KCTD9: variants seen among roughly 807,000 people sequenced by gnomAD.
KCTD9 encodes the protein BTB/POZ domain-containing protein KCTD9.
A neutral mutation model predicts 53.3 loss-of-function variants in KCTD9; 17 were observed. The ratio of observed to expected loss-of-function variants is 0.32; its 90% CI spans 0.22 to 0.48. The LOEUF is 0.48. Ranked by LOEUF, KCTD9 falls within the 20% of genes least tolerant of loss-of-function variation. KCTD9 has a pLI of 0.99. For missense variants in KCTD9, 179 were observed against 465.5 expected (o/e 0.38, Z 5.66); for synonymous variants, 128 against 162.7 (o/e 0.79, Z 1.62).
chr8:25,458,312 T>TC lies in KCTD9; in HGVS notation c.-67dup, dbSNP rs1802519968. The TC allele has an allele frequency of 1.2e-5, 19 of 1,577,334 alleles. No homozygotes were observed. In the South Asian group the frequency reaches 2.1e-4, roughly 18 times the overall value. ...CCACCTGGTCCTCCTCCCACCTTTT[T>TC]CTCCTCCCGCCCTTCCCCTCCCTCC... On this transcript the variant is annotated 5_prime_UTR_variant, in exon 1 of 12. Transcript: ENST00000221200.
chr8:25,447,735 T>A (rs1004534302), intron 1 of KCTD9, among the ~76,000 whole-genome samples: 3 of 152,134 alleles, frequency 2.0e-5, no homozygotes, highest in Non-Finnish European at 4.4e-5. Context: ...CGGAACCAAG[T>A]GCATTATAAA....
At chr8:25,437,881 A>AAAAAAAAC (rs1802049071) in intron 6 of KCTD9, among the ~76,000 whole-genome samples, 1 of 142,070 alleles carries the variant, frequency 7.0e-6, no homozygotes, top group African/African-American at 2.6e-5. Flanking sequence ...AAAAAAAAAA[A>AAAAAAAAC]TCTGGATTTG....
rs184544240 is a variant in KCTD9, at chr8:25,446,182, G to A, written c.117C>T (p.Ala39=). ...SVASSKLGIK[A]TSVYNGKGGL... is the part of the protein sequence containing the mutation. ...CACCTTTCCCATTATACACACTGGT[G>A]GCTTTTATGCCGAGTTTACTGCTGG... is the stretch of plus-strand genomic sequence containing the variant. The change falls in exon 2 of 12, where the codon GCC becomes GCT. Residue 39 remains alanine (A), a synonymous_variant. Coordinates refer to ENST00000221200, the MANE Select transcript of KCTD9 (RefSeq NM_017634.4). 5.0e-6 allele frequency: 8 copies of A among 1,613,934 alleles called. No individual in the cohort carries two copies.
chr8:25,429,329 T>C lies in KCTD9; in HGVS notation c.*528A>G, dbSNP rs1303773444. On this transcript the variant is annotated 3_prime_UTR_variant, in exon 12 of 12. Coordinates refer to ENST00000221200, the MANE Select transcript of KCTD9 (RefSeq NM_017634.4). Reference sequence around the variant, plus strand: ...TCTTAGGGAGTCTGATCTCACCATATTCATACGGTGTGACAGGTATTTAAA... The same window carrying C: ...TCTTAGGGAGTCTGATCTCACCATACTCATACGGTGTGACAGGTATTTAAA... The C allele has an allele frequency of 6.5e-6, 1 of 153,758 alleles. No individual in the cohort carries two copies. The highest frequency in any genetic ancestry group is 2.4e-5 in the African/African-American group (1 of 41,460). 9.5% of individuals were successfully genotyped at this position (153,758 alleles called of 1,614,324 possible). A position where few individuals can be genotyped will look rare whatever the true frequency, so the allele number is the denominator to read the frequency against.
chr8:25,454,186 C>T (rs990000303), intron 1 of KCTD9, among the ~76,000 whole-genome samples: 1 of 152,156 alleles, frequency 6.6e-6, no homozygotes, highest in African/African-American at 2.4e-5. Flanking sequence ...TGTGCCTGCC[C>T]CCAACATGTT....
chr8:25,437,610 G>A (rs897069498), intron 6 of KCTD9, among the ~76,000 whole-genome samples: 1 of 151,850 alleles, frequency 6.6e-6, no homozygotes, highest in Non-Finnish European at 1.5e-5. Flanking sequence ...TCCAGGAGGC[G>A]GACCTTACAG....
chr8:25,437,361 C>A (rs1802036013), intron 6 of KCTD9, among the ~76,000 whole-genome samples: 2 of 152,058 alleles, frequency 1.3e-5, no homozygotes, highest in African/African-American at 4.8e-5. Context: ...AGAATTAAAC[C>A]TTTAAAACAT....
At chr8:25,458,037 G>A (rs1802503951) in intron 1 of KCTD9, among the ~76,000 whole-genome samples, 162 bp downstream of exon 1, 1 of 151,790 alleles carries the variant, frequency 6.6e-6, no homozygotes, top group Admixed American at 6.6e-5. Context: ...AGGGTCGGGA[G>A]GAGGCCGCGG....
rs1801871892 is a variant in KCTD9, at chr8:25,428,159, T to C, written c.*1698A>G. On this transcript the variant is annotated 3_prime_UTR_variant, in exon 12 of 12. Transcript: ENST00000221200. ...TTATTTCTACAGAGGTACCTTTAAG[T>C]GAATGAATACCACATTCTGTAATTC... The C allele has an allele frequency of 6.6e-6, 1 of 152,626 alleles. No individual in the cohort carries two copies. Among genetic ancestry groups the C allele is most frequent in the Non-Finnish European group, 1.5e-5 (1 of 68,034 alleles). The allele number at this position is 152,626 out of a possible 1,614,324, so 9.5% of individuals were successfully genotyped here. A position where few individuals can be genotyped will look rare whatever the true frequency, so the allele number is the denominator to read the frequency against.
chr8:25,441,747 T>C (rs1251637085), intron 3 of KCTD9, among the ~76,000 whole-genome samples: 1 of 152,168 alleles, frequency 6.6e-6, no homozygotes, highest in East Asian at 1.9e-4. Flanking sequence ...CCTATAATCC[T>C]CTGGGAGGCC....
chr8:25,458,363 C>T lies in KCTD9; in HGVS notation c.-117G>A. On this transcript the variant is annotated 5_prime_UTR_variant, in exon 1 of 12. Coordinates refer to ENST00000221200, the MANE Select transcript of KCTD9 (RefSeq NM_017634.4). ...ACCCACTCGGATTCGCCTCCCTTCG[C>T]CACCTTCCTGCCCTTGGGGACACAC... The T allele has an allele frequency of 8.5e-7, 1 of 1,176,622 alleles. No homozygotes were observed. The highest frequency in any genetic ancestry group is 1.2e-6 in the Non-Finnish European group (1 of 804,950). 72.9% of individuals were successfully genotyped at this position (1,176,622 alleles called of 1,614,324 possible).
At chr8:25,449,884 A>T (rs764113302) in intron 1 of KCTD9, among the ~76,000 whole-genome samples, 5 of 152,180 alleles carry the variant, frequency 3.3e-5, no homozygotes, top group Non-Finnish European at 5.9e-5. Flanking sequence ...CCCATGACAT[A>T]GGAACCCAAA....
At chr8:25,444,249 T>TC in intron 3 of KCTD9, 43 bp downstream of exon 3, 1 of 1,412,076 alleles carries the variant, frequency 7.1e-7, no homozygotes. Flanking sequence ...CCATCTTTTT[T>TC]TTTTTTTTTT....
intron 6 of KCTD9, among the ~76,000 whole-genome samples, chr8:25,437,145 G>A (rs1008421433): frequency 5.3e-5 from 8 of 152,112 alleles, no homozygotes; most frequent in African/African-American, 1.4e-4. Context: ...GTACAGCATC[G>A]GGCTACCACT....
intron 6 of KCTD9, 59 bp from the exon 7 acceptor site, chr8:25,436,544 T>C: frequency 1.0e-6 from 1 of 992,002 alleles, no homozygotes; most frequent in Non-Finnish European, 1.5e-6. Context: ...TACATTCATT[T>C]TGAATTTACT....
intron 2 of KCTD9, 107 bp from the exon 3 acceptor site, chr8:25,444,442 G>A: frequency 9.5e-7 from 1 of 1,048,182 alleles, no homozygotes; most frequent in South Asian, 1.5e-5. Context: ...AATAGGTTTT[G>A]CTATCAATCT....
Position 25,457,331 on chromosome 8 carries a change from G to C in KCTD9, c.48+868C>G, listed in dbSNP as rs571674157. ...ACTCGTAAAGGCTGAGTTACTTCTA[G>C]GTATCATTTAGCAACGCAATAAATG... On this transcript the variant is annotated intron_variant, in intron 1 of 11. Coordinates refer to ENST00000221200, the MANE Select transcript of KCTD9 (RefSeq NM_017634.4). The C allele has an allele frequency of 2.2e-5, 22 of 983,424 alleles. No individual in the cohort carries two copies. In the South Asian group the frequency reaches 1.0e-3, roughly 46 times the overall value. 60.9% of individuals were successfully genotyped at this position (983,424 alleles called of 1,614,324 possible). A position where few individuals can be genotyped will look rare whatever the true frequency, so the allele number is the denominator to read the frequency against.
intron 4 of KCTD9, among the ~76,000 whole-genome samples, chr8:25,440,185 A>C (rs1201232806): frequency 6.7e-6 from 1 of 150,172 alleles, no homozygotes; most frequent in Non-Finnish European, 1.5e-5. Flanking sequence ...CAGCCTCCCA[A>C]GTAGCTGGGA....
intron 8 of KCTD9, among the ~76,000 whole-genome samples, 197 bp downstream of exon 8, chr8:25,436,038 C>G (rs1015760294): frequency 7.2e-5 from 11 of 152,104 alleles, no homozygotes; most frequent in African/African-American, 2.4e-4. Flanking sequence ...TATAATTAGA[C>G]AATTTAAAAA....
Sources: allele counts gnomAD v4.1 joint callset (sites outside exome capture counted in the v4.1 genomes callset), GRCh38; gene constraint gnomAD v4.1.1; transcripts MANE v1.5; gene names NCBI Gene and HGNC (gene_info 2026-07-23, HGNC 2026-07-21).